The following CDC25C variants were observed in gnomAD, a reference collection of about 807,000 sequenced individuals.
The protein encoded by CDC25C is M-phase inducer phosphatase 3.
CDC25C carries 48 observed loss-of-function variants against 52.5 expected under a neutral mutation model. That is an observed-to-expected ratio of 0.91 (90% CI 0.72 to 1.16). CDC25C has a LOEUF of 1.16. CDC25C is among the 50% of genes most tolerant of loss of function. The probability of loss-of-function intolerance (pLI) is 0.00; values close to 1 mark genes in which losing one functional copy is unlikely to be tolerated. For synonymous variants in CDC25C, 187 were observed against 206.5 expected (o/e 0.91, Z 0.81); for missense variants, 510 against 566.1 (o/e 0.90, Z 1.01).
At position 138,292,211 on chromosome 5, in the gene CDC25C, A is replaced by G. The variant is rs943530849; in HGVS notation, c.616-95T>C. ...TCTCCTGGGAGCTTCTTTGAAATGC[A>G]GGTTTCCAGATGTTAGGCCACACCC... On this transcript the variant is annotated intron_variant, in intron 7 of 13. Coordinates refer to ENST00000323760, the MANE Select transcript of CDC25C (RefSeq NM_001790.5). 2.8e-5 allele frequency: 28 copies of G among 988,922 alleles called. No homozygotes were observed. In the African/African-American group the frequency reaches 4.4e-4, roughly 16 times the overall value. The allele number at this position is 988,922 out of a possible 1,614,324, so 61.3% of individuals were successfully genotyped here.
chr5:138,317,149 G>A (rs1036931978), intron 7 of CDC25C, among the ~76,000 whole-genome samples: 4 of 152,094 alleles, frequency 2.6e-5, no homozygotes, highest in Non-Finnish European at 4.4e-5. Flanking sequence ...TAGCTACTCA[G>A]GAGGCTGAGG....
chr5:138,319,212 A>G lies in CDC25C; in HGVS notation c.615+7T>C. 6.2e-7 allele frequency: 1 copy of G among 1,608,044 alleles called. No individual in the cohort carries two copies. Among genetic ancestry groups the G allele is most frequent in the South Asian group, 1.1e-5 (1 of 90,688 alleles). On this transcript the variant is annotated splice_region_variant and intron_variant, in intron 7 of 13. Transcript: ENST00000323760. ...GAATACAAAGATACTACCACAGAAC[A>G]CTTTACCTTTGCTTCTTGATCTTTC...
rs748150102 is a variant in CDC25C, at chr5:138,292,131, T to C, written c.616-15A>G. ...CTTCTGCTCACCTGTTTGGGAATAT[T>C]AAACCCCCTAGTTCTTACTCCTCCA... On this transcript the variant is annotated splice_polypyrimidine_tract_variant and intron_variant, in intron 7 of 13. Transcript: ENST00000323760. 1 of 1,607,658 alleles carries C rather than the reference T, an allele frequency of 6.2e-7. No homozygotes were observed. Among genetic ancestry groups the C allele is most frequent in the Non-Finnish European group, 8.5e-7 (1 of 1,176,712 alleles).
At chr5:138,329,532 C>T (rs1232951595) in intron 3 of CDC25C, 21 bp downstream of exon 3, 11 of 1,480,116 alleles carry the variant, frequency 7.4e-6, no homozygotes, top group Non-Finnish European at 9.4e-6. Context: ...CCTTTGAGGC[C>T]TTTATCTCCC....
rs11567988 is a variant in CDC25C, at chr5:138,292,138, C to T, written c.616-22G>A. On this transcript the variant is annotated intron_variant, in intron 7 of 13. Transcript: ENST00000323760. ...TCACCTGTTTGGGAATATTAAACCC[C>T]CTAGTTCTTACTCCTCCAAGTGTGT... The T allele has an allele frequency of 1.0e-5, 16 of 1,602,098 alleles. No homozygotes were observed. The Admixed American group carries it at 2.7e-4, about 27-fold the overall frequency.
chr5:138,322,466 ATTTTTTTT>A (rs71585117), intron 6 of CDC25C, among the ~76,000 whole-genome samples: 9 of 67,954 alleles, frequency 1.3e-4, no homozygotes, highest in South Asian at 1.9e-3. Flanking sequence ...CGCCCGGCTA[ATTTTTTTT>A]TTTTTTTTTT....
chr5:138,320,910 T>C (rs1759319241), intron 6 of CDC25C, among the ~76,000 whole-genome samples: 1 of 94,540 alleles, frequency 1.1e-5, no homozygotes. Context: ...AGTGAGACTC[T>C]GTCTCAAAAA....
At chr5:138,331,434 G>C (rs1462327383) in intron 1 of CDC25C, among the ~76,000 whole-genome samples, 161 bp downstream of exon 1, 1 of 152,156 alleles carries the variant, frequency 6.6e-6, no homozygotes, top group African/African-American at 2.4e-5. Flanking sequence ...CTTGTTCCAC[G>C]CCACACAGCT....
intron 7 of CDC25C, among the ~76,000 whole-genome samples, chr5:138,307,784 C>G (rs1220579203): frequency 6.6e-6 from 1 of 152,058 alleles, no homozygotes; most frequent in African/African-American, 2.4e-5. Context: ...AATAAATACT[C>G]ATAGCCCTAT....
At chr5:138,319,444 C>A (rs765420770) in intron 6 of CDC25C, 70 bp from the exon 7 acceptor site, 7 of 1,161,468 alleles carry the variant, frequency 6.0e-6, no homozygotes, top group Non-Finnish European at 7.1e-6. Context: ...AGAGCTAAAA[C>A]TATAAAACTC....
chr5:138,331,620 C>G lies in CDC25C; in HGVS notation c.-64G>C. 2.1e-5 allele frequency: 21 copies of G among 1,009,608 alleles called. No individual in the cohort carries two copies. Among genetic ancestry groups the G allele is most frequent in the Non-Finnish European group, 2.5e-5 (21 of 843,464 alleles). 62.5% of individuals were successfully genotyped at this position (1,009,608 alleles called of 1,614,324 possible). ...CTCAAGCCTGGAGTCTGAGGCTTGCCTACAAGAGGAGAGAAAGTAGATAGG... is the reference window on the plus strand; with the variant it reads ...CTCAAGCCTGGAGTCTGAGGCTTGCGTACAAGAGGAGAGAAAGTAGATAGG... On this transcript the variant is annotated 5_prime_UTR_variant, in exon 1 of 14. Transcript: ENST00000323760.
chr5:138,297,802 G>A (rs1757326231), intron 7 of CDC25C, among the ~76,000 whole-genome samples: 1 of 152,118 alleles, frequency 6.6e-6, no homozygotes, highest in African/African-American at 2.4e-5. Context: ...AAACAAAGAA[G>A]GATGAAAAGA....
At chr5:138,286,435 G>C in intron 12 of CDC25C, 62 bp downstream of exon 12, 1 of 1,522,830 alleles carries the variant, frequency 6.6e-7, no homozygotes, top group East Asian at 2.3e-5. Flanking sequence ...GTCTGAACTG[G>C]TGTGGGAAGT....
chr5:138,292,094 C>T lies in CDC25C; in HGVS notation c.638G>A (p.Arg213His), dbSNP rs148887677. 2.8e-5 allele frequency: 45 copies of T among 1,612,550 alleles called. No homozygotes were observed. The East Asian group carries it at 3.8e-4, about 14-fold the overall frequency. ...EAKVSRSGLY[R>H]SPSMPENLNR... ...CAAGTTCTCTGGCATCGACGGGGAG[C>T]GATATAGGCCACTTCTGCTCACCTG... The change falls in exon 8 of 14, where the codon CGC (arginine) becomes CAC (histidine). Residue 213 changes from arginine to histidine, a missense_variant. By Grantham distance (29) the Arg-to-His change is conservative (BLOSUM62 0). Transcript: ENST00000323760.
chr5:138,305,192 T>A (rs1000366557), intron 7 of CDC25C, among the ~76,000 whole-genome samples: 2 of 152,200 alleles, frequency 1.3e-5, no homozygotes, highest in Non-Finnish European at 2.9e-5. Context: ...TGTCCGGGAC[T>A]TTCCCAGCTT....
At chr5:138,328,313 C>T (rs1052595384) in intron 4 of CDC25C, among the ~76,000 whole-genome samples, 171 bp downstream of exon 4, 1 of 152,192 alleles carries the variant, frequency 6.6e-6, no homozygotes, top group African/African-American at 2.4e-5. Flanking sequence ...TTTCACAACA[C>T]TATTTAGATG....
At chr5:138,296,612 T>A (rs1757205985) in intron 7 of CDC25C, among the ~76,000 whole-genome samples, 2 of 149,628 alleles carry the variant, frequency 1.3e-5, no homozygotes, top group African/African-American at 4.8e-5. Context: ...TTAATTATTT[T>A]TTTTTTTTTT....
intron 7 of CDC25C, among the ~76,000 whole-genome samples, chr5:138,295,306 C>G (rs939531533): frequency 1.3e-5 from 2 of 152,134 alleles, no homozygotes; most frequent in African/African-American, 4.8e-5. Context: ...ACTACTTTCG[C>G]AAACAGAAAC....
intron 7 of CDC25C, among the ~76,000 whole-genome samples, chr5:138,307,089 C>G (rs899863173): frequency 6.6e-6 from 1 of 151,970 alleles, no homozygotes; most frequent in Non-Finnish European, 1.5e-5. Context: ...AGGGATCTGC[C>G]TGCCTCGGCC....
Sources: allele counts gnomAD v4.1 joint callset (sites outside exome capture counted in the v4.1 genomes callset), GRCh38; gene constraint gnomAD v4.1.1; transcripts MANE v1.5; gene names NCBI Gene and HGNC (gene_info 2026-07-23, HGNC 2026-07-21).